The following DCDC2C variants were observed in gnomAD, a reference collection of about 807,000 sequenced individuals.
The protein encoded by DCDC2C is doublecortin domain-containing protein 2C.
DCDC2C carries 44 observed loss-of-function variants against 45.0 expected under a neutral mutation model. The ratio of observed to expected loss-of-function variants is 0.98; its 90% confidence interval spans 0.77 to 1.26. DCDC2C has a LOEUF of 1.26. Among genes scored for constraint, DCDC2C ranks in the 50% most tolerant of loss-of-function variants. DCDC2C has a pLI of 0.00. For missense variants in DCDC2C, 447 were observed against 468.9 expected (o/e 0.95, Z 0.43); for synonymous variants, 187 against 178.8 (o/e 1.05, Z -0.37).
rs1377089317 is a variant in DCDC2C at position 3,752,887 on chromosome 2, A to G, written c.670A>G (p.Ser224Gly). 1.3e-6 allele frequency: 2 copies of G among 1,550,436 alleles called. No homozygotes were observed. Among genetic ancestry groups the G allele is most frequent in the Admixed American group, 3.9e-5 (2 of 50,974 alleles). The change falls in exon 5 of 11, where the codon AGT (serine) becomes GGT (glycine). Residue 224 changes from serine to glycine, a missense_variant. Ser to Gly is a moderately conservative substitution (Grantham distance 56). Coordinates refer to ENST00000399143, the MANE Select transcript of DCDC2C (RefSeq NM_001287444.2). ...FPYWKSPRVP[S>G]EVQQRYANVE... The stretch of plus-strand genomic sequence containing the variant: ...TTACTGGAAGTCTCCAAGGGTGCCC[A>G]GTGAGGTCCAACAGTGAGCATGCTT...
chr2:3,704,836 T>A (rs917762166), intron 1 of DCDC2C, among the ~76,000 whole-genome samples: 1 of 151,830 alleles, frequency 6.6e-6, no homozygotes, highest in Non-Finnish European at 1.5e-5. Context: ...TGGTCCTGCG[T>A]GCATTTTCAA....
intron 3 of DCDC2C, among the ~76,000 whole-genome samples, chr2:3,728,388 T>C (rs1408721334): frequency 6.6e-6 from 1 of 152,146 alleles, no homozygotes; most frequent in Non-Finnish European, 1.5e-5. Context: ...AGACACAGTA[T>C]TTCTGAATTT....
chr2:3,723,344 T>C (rs554801960), intron 2 of DCDC2C, among the ~76,000 whole-genome samples: 1 of 152,312 alleles, frequency 6.6e-6, no homozygotes, highest in South Asian at 2.1e-4. Context: ...GGTGTGTGAC[T>C]GGGCAGGGAG....
intron 10 of DCDC2C, among the ~76,000 whole-genome samples, chr2:3,838,564 G>A (rs1272705309): frequency 2.0e-5 from 3 of 152,076 alleles, no homozygotes; most frequent in Non-Finnish European, 4.4e-5. Flanking sequence ...AAGAAAGGGG[G>A]ATGGATGGTA....
intron 1 of DCDC2C, among the ~76,000 whole-genome samples, chr2:3,705,629 C>A (rs1180179711): frequency 6.6e-6 from 1 of 152,174 alleles, no homozygotes. Flanking sequence ...TATCAAGCAC[C>A]TGCCACGAAG....
chr2:3,837,171 CCAAT>C (rs112625440), intron 10 of DCDC2C, among the ~76,000 whole-genome samples: 2 of 152,112 alleles, frequency 1.3e-5, no homozygotes, highest in African/African-American at 4.8e-5. Flanking sequence ...AGTACACTGG[CCAAT>C]CTCTTAAGGG....
At chr2:3,763,096 C>T (rs1469522475) in intron 6 of DCDC2C, among the ~76,000 whole-genome samples, 2 of 152,170 alleles carry the variant, frequency 1.3e-5, no homozygotes, top group African/African-American at 4.8e-5. Context: ...CACACCCCTC[C>T]CCTGGACCAC....
intron 10 of DCDC2C, among the ~76,000 whole-genome samples, chr2:3,842,499 G>T (rs2123884): frequency 3.3e-5 from 5 of 151,790 alleles, no homozygotes; most frequent in Admixed American, 1.3e-4. Context: ...GTGCATTGGG[G>T]GAGTGCAACT....
At chr2:3,794,736 G>T (rs567049646) in intron 10 of DCDC2C, among the ~76,000 whole-genome samples, 1 of 152,178 alleles carries the variant, frequency 6.6e-6, no homozygotes, top group South Asian at 2.1e-4. Flanking sequence ...TGGTGTATAT[G>T]TGCCACATTT....
At chr2:3,727,687 TTA>T (rs1274385153) in intron 3 of DCDC2C, among the ~76,000 whole-genome samples, 3 of 152,212 alleles carry the variant, frequency 2.0e-5, no homozygotes, top group East Asian at 1.9e-4. Flanking sequence ...TCCACCTGCA[TTA>T]TGTTTTTGGG....
At chr2:3,808,224 T>C (rs1008182069) in intron 10 of DCDC2C, among the ~76,000 whole-genome samples, 2 of 152,228 alleles carry the variant, frequency 1.3e-5, no homozygotes, top group African/African-American at 4.8e-5. Flanking sequence ...TTTTATTTAG[T>C]AATTTGTCTT....
In DCDC2C at chr2:3,769,360, G is replaced by A. The variant is rs557310721; in HGVS notation, c.903G>A (p.Ala301=). The part of the protein sequence containing the change: ...APTPSKETQG[A]LDVKEEHNVQ... ...CTCCTAGCAAGGAAACCCAAGGGGC[G>A]CTGGACGTCAAAGAGGAGCACAATG... The change falls in exon 8 of 11, where the codon GCG becomes GCA. Residue 301 remains alanine, a synonymous_variant. Transcript: ENST00000399143. The A allele has an allele frequency of 6.5e-4, 1,004 of 1,550,606 alleles. 2 individuals are homozygous for A. Among genetic ancestry groups the A allele is most frequent in the Non-Finnish European group, 8.0e-4 (918 of 1,146,980 alleles).
chr2:3,773,559 C>T (rs1412382335), intron 8 of DCDC2C, among the ~76,000 whole-genome samples: 1 of 152,068 alleles, frequency 6.6e-6, no homozygotes, highest in African/African-American at 2.4e-5. Context: ...AAAAAGGCAC[C>T]CAGATGTTAA....
chr2:3,808,034 T>C (rs1671297622), intron 10 of DCDC2C, among the ~76,000 whole-genome samples: 1 of 152,230 alleles, frequency 6.6e-6, no homozygotes, highest in African/African-American at 2.4e-5. Flanking sequence ...GGTTGTGTAA[T>C]ACCTAAGAGT....
At chr2:3,704,074 C>T (rs1332513671) in intron 1 of DCDC2C, 36 bp downstream of exon 1, 2 of 1,239,102 alleles carry the variant, frequency 1.6e-6, no homozygotes, top group African/African-American at 1.6e-5. Context: ...GCCCTGCGCC[C>T]CTCCCCGCCC....
intron 2 of DCDC2C, among the ~76,000 whole-genome samples, chr2:3,709,233 A>G (rs1431806026): frequency 1.3e-5 from 2 of 152,208 alleles, no homozygotes; most frequent in African/African-American, 2.4e-5. Context: ...TTTTGAGGGT[A>G]TCTACTTCTC....
intron 10 of DCDC2C, among the ~76,000 whole-genome samples, chr2:3,806,603 C>T (rs1026809825): frequency 6.6e-6 from 1 of 150,394 alleles, no homozygotes; most frequent in Non-Finnish European, 1.5e-5. Context: ...AGTGCAATGG[C>T]GTGATCTCAG....
chr2:3,788,718 G>T (rs1428000797), intron 10 of DCDC2C, among the ~76,000 whole-genome samples: 1 of 152,084 alleles, frequency 6.6e-6, no homozygotes. Context: ...ATGCATGTTG[G>T]AGGCAACATT....
chr2:3,765,596 C>T (rs553713242), intron 6 of DCDC2C, among the ~76,000 whole-genome samples: 5 of 152,126 alleles, frequency 3.3e-5, no homozygotes, highest in South Asian at 4.2e-4. Flanking sequence ...GTTTGAATGG[C>T]GGGAAGTGAT....
Sources: allele counts gnomAD v4.1 joint callset (sites outside exome capture counted in the v4.1 genomes callset), GRCh38; gene constraint gnomAD v4.1.1; transcripts MANE v1.5; gene names NCBI Gene and HGNC (gene_info 2026-07-23, HGNC 2026-07-21).